The following VWDE variants were observed in gnomAD, a reference collection of about 807,000 sequenced individuals.
VWDE encodes the protein von Willebrand factor D and EGF domains.
A neutral mutation model predicts 178.4 loss-of-function variants in VWDE; 207 were observed. The observed-to-expected ratio is 1.16, with a 90% confidence interval of 1.04 to 1.30. The LOEUF (loss-of-function observed/expected upper bound fraction) is 1.30. Among genes scored for constraint, VWDE ranks in the 50% most tolerant of loss-of-function variants. The pLI, the probability that VWDE is intolerant of heterozygous loss-of-function variation, is 0.00. For synonymous variants in VWDE, 738 were observed against 651.4 expected (o/e 1.13, Z -2.02); for missense variants, 2,287 against 1,901.3 (o/e 1.20, Z -3.77).
chr7:12,390,175 AAAAG>A (rs1482290836), intron 2 of VWDE, among the ~76,000 whole-genome samples: 6 of 151,876 alleles, frequency 4.0e-5, no homozygotes, highest in Non-Finnish European at 7.4e-5. Context: ...AAAAAAAAAA[AAAAG>A]AAAGAAAGAA....
chr7:12,394,970 C>G (rs1047350388), intron 1 of VWDE, among the ~76,000 whole-genome samples: 1 of 151,982 alleles, frequency 6.6e-6, no homozygotes, highest in Non-Finnish European at 1.5e-5. Context: ...GTGTAGCCTA[C>G]GAAAAATAAG....
intron 6 of VWDE, among the ~76,000 whole-genome samples, chr7:12,378,456 CT>C (rs1783660822): frequency 1.3e-5 from 2 of 152,228 alleles, no homozygotes; most frequent in Admixed American, 6.5e-5. Flanking sequence ...CAACCCAGGA[CT>C]GGCCCTATCT....
chr7:12,386,996 TTA>T (rs1420314100), intron 3 of VWDE, among the ~76,000 whole-genome samples: 1 of 152,182 alleles, frequency 6.6e-6, no homozygotes, highest in Non-Finnish European at 1.5e-5. Context: ...TTAATAAATT[TTA>T]TAAGTTTATT....
chr7:12,336,894 G>C (rs1174614606), intron 26 of VWDE, 94 bp downstream of exon 26: 1 of 1,226,558 alleles, frequency 8.2e-7, no homozygotes, highest in Non-Finnish European at 1.1e-6. Flanking sequence ...AAAAGACCAA[G>C]CAAACAAAAG....
At chr7:12,398,839 C>T (rs1165692603) in intron 1 of VWDE, among the ~76,000 whole-genome samples, 2 of 152,044 alleles carry the variant, frequency 1.3e-5, no homozygotes, top group South Asian at 2.1e-4. Flanking sequence ...GCAAGCTAAA[C>T]ATTGGGTACC....
chr7:12,336,821 T>G (rs776002393), intron 26 of VWDE, among the ~76,000 whole-genome samples, 167 bp downstream of exon 26: 1 of 151,926 alleles, frequency 6.6e-6, no homozygotes, highest in Non-Finnish European at 1.5e-5. Flanking sequence ...TTCAGAAGAG[T>G]AAAAACTCTT....
chr7:12,354,445 G>T, intron 18 of VWDE: 2 of 427,964 alleles, frequency 4.7e-6, no homozygotes, highest in Admixed American at 2.7e-5. Context: ...CTCAAAGCAA[G>T]GCTTGGAGTC....
chr7:12,393,712 G>C lies in VWDE; in HGVS notation c.125C>G (p.Ser42Ter). The C allele has an allele frequency of 6.4e-7, 1 of 1,551,258 alleles. No homozygotes were observed. The highest frequency in any genetic ancestry group is 1.2e-5 in the South Asian group (1 of 84,040). ...RSPYRSVRFD[S>*]WHLQQSAVQD... ...AACAGCTGACTGCTGGAGGTGCCAT[G>C]AGTCAAAACGGACACTTCTATAAGG... The change falls in exon 2 of 29, where the codon TCA becomes TGA. Residue 42 changes from serine (S) to a stop codon, truncating the protein, a stop_gained. Coordinates refer to ENST00000275358, the MANE Select transcript of VWDE (RefSeq NM_001135924.3). LOFTEE classifies it high-confidence loss of function.
intron 12 of VWDE, among the ~76,000 whole-genome samples, chr7:12,368,760 A>G (rs1488562426): frequency 6.6e-6 from 1 of 152,142 alleles, no homozygotes; most frequent in Non-Finnish European, 1.5e-5. Context: ...AGAATCTACG[A>G]TAATCTGAGG....
intron 19 of VWDE, among the ~76,000 whole-genome samples, chr7:12,344,687 A>G (rs1781508103): frequency 6.6e-6 from 1 of 152,190 alleles, no homozygotes; most frequent in South Asian, 2.1e-4. Flanking sequence ...ACAGTAACAC[A>G]ACAGTAACAC....
intron 24 of VWDE, 70 bp from the exon 25 acceptor site, chr7:12,337,342 T>C (rs1268820795): frequency 2.2e-5 from 29 of 1,291,376 alleles, no homozygotes; most frequent in Non-Finnish European, 3.0e-5. Context: ...CATTGCATCA[T>C]GTGCTTGTCA....
intron 27 of VWDE, among the ~76,000 whole-genome samples, chr7:12,334,352 A>G (rs192659662): frequency 3.0e-4 from 46 of 152,308 alleles, no homozygotes; most frequent in African/African-American, 1.0e-3. Flanking sequence ...AATTATATAT[A>G]ATAGTTATTT....
At position 12,370,361 on chromosome 7, in the gene VWDE, C is replaced by A. The variant is rs868096800; in HGVS notation, c.1945G>T (p.Gly649Cys). Residue 649 changes from glycine to cysteine, a missense_variant, in exon 12 of 29, where the codon GGT (glycine) becomes TGT (cysteine). Transcript: ENST00000275358. ...DSVSRSEIAL[G>C]CKDLNHVSLS... ...CTGACATGATTGAGGTCTTTGCAAC[C>A]CAAGGCAATTTCTGATCGAGAAACA... The A allele has an allele frequency of 2.6e-6, 4 of 1,550,952 alleles. No homozygotes were observed. Among genetic ancestry groups the A allele is most frequent in the Admixed American group, 2.0e-5 (1 of 50,946 alleles).
intron 27 of VWDE, among the ~76,000 whole-genome samples, chr7:12,335,929 C>A (rs1420136680): frequency 6.6e-6 from 1 of 152,164 alleles, no homozygotes; most frequent in Non-Finnish European, 1.5e-5. Context: ...TATCTCTTCA[C>A]ACAAACTATT....
At chr7:12,347,491 G>A (rs1781668925) in intron 19 of VWDE, among the ~76,000 whole-genome samples, 2 of 152,008 alleles carry the variant, frequency 1.3e-5, no homozygotes, top group African/African-American at 4.8e-5. Flanking sequence ...ATACTAAAAT[G>A]TAGTATAAAG....
At chr7:12,373,532 C>CAGTA (rs1783337612) in intron 9 of VWDE, among the ~76,000 whole-genome samples, 2 of 152,098 alleles carry the variant, frequency 1.3e-5, no homozygotes, top group East Asian at 1.9e-4. Flanking sequence ...TAAATGTCAC[C>CAGTA]CTCACCAAAT....
intron 24 of VWDE, among the ~76,000 whole-genome samples, chr7:12,337,756 A>G (rs997746497): frequency 1.3e-5 from 2 of 152,272 alleles, no homozygotes; most frequent in South Asian, 4.1e-4. Flanking sequence ...ATTCCAGAGA[A>G]TGCTTGGTAA....
intron 2 of VWDE, among the ~76,000 whole-genome samples, chr7:12,391,417 T>C (rs2128561776): frequency 6.6e-6 from 1 of 152,344 alleles, no homozygotes; most frequent in South Asian, 2.1e-4. Context: ...GAACACTTCC[T>C]CCTGGAGCAC....
chr7:12,336,113 T>G, intron 27 of VWDE, 28 bp downstream of exon 27: 1 of 1,524,138 alleles, frequency 6.6e-7, no homozygotes, highest in South Asian at 1.2e-5. Flanking sequence ...TCAGAACATA[T>G]AGTAGGAAAA....
Sources: gnomAD v4.1 joint callset for allele counts (sites outside exome capture counted in the v4.1 genomes callset) on GRCh38, gnomAD v4.1.1 for gene constraint, MANE v1.5 for transcripts, NCBI Gene and HGNC (gene_info 2026-07-23, HGNC 2026-07-21) for gene names.